The following SPATA13 variants were observed in gnomAD, a reference collection of about 807,000 sequenced individuals.
SPATA13 encodes spermatogenesis associated 13, also known as spermatogenesis-associated protein 13.
Under a neutral mutation model 104.0 loss-of-function variants are expected in SPATA13, and 50 were observed. The observed-to-expected ratio is 0.48, with a 90% CI of 0.38 to 0.61. SPATA13 has a LOEUF of 0.61. Among genes scored for constraint, SPATA13 ranks in the 20% least tolerant of loss-of-function variants. The pLI is 0.00. For missense variants in SPATA13, 1,524 were observed against 1,690.6 expected (o/e 0.90, Z 1.73); for synonymous variants, 606 against 667.5 (o/e 0.91, Z 1.42).
intron 2 of SPATA13, among the ~76,000 whole-genome samples, chr13:24,228,733 G>C (rs542754566): frequency 6.6e-6 from 1 of 152,108 alleles, no homozygotes; most frequent in African/African-American, 2.4e-5. Flanking sequence ...CTCATTAACA[G>C]TAAGGTTCTA....
Position 24,051,171 on chromosome 13 carries a change from A to G in SPATA13, c.-112+33470A>G, listed in dbSNP as rs992377562. On this transcript the variant is annotated intron_variant, in intron 3 of 14. Coordinates refer to the SPATA13 transcript ENST00000424834. This position sits in a 1 kb window ranked among gnomAD's most constrained non-coding sequence, Gnocchi z 4.2. ...GGGGCTAGCCTCCTGAAGTTTTTGG[A>G]GACCCTAGTTCTGCTCCCCAGTCTC... Among the ~76,000 whole-genome samples the G allele has an allele frequency of 2.0e-5, 3 of 152,154 alleles. No individual in the cohort carries two copies. Among genetic ancestry groups the G allele is most frequent in the Non-Finnish European group, 4.4e-5 (3 of 68,030 alleles).
intron 2 of SPATA13, among the ~76,000 whole-genome samples, chr13:24,247,416 A>G (rs925293590): frequency 6.6e-6 from 1 of 151,294 alleles, no homozygotes; most frequent in Non-Finnish European, 1.5e-5. Flanking sequence ...CCTGATTTGA[A>G]AAATGAGTGG....
chr13:24,033,096 C>G (rs771279175), intron 3 of SPATA13, among the ~76,000 whole-genome samples: 8 of 152,196 alleles, frequency 5.3e-5, no homozygotes, highest in Non-Finnish European at 1.2e-4. Flanking sequence ...GAGGCCTGCA[C>G]TAAGTCCTTT....
At chr13:24,056,706 A>G (rs1472526532) in intron 3 of SPATA13, among the ~76,000 whole-genome samples, 2 of 152,220 alleles carry the variant, frequency 1.3e-5, no homozygotes, top group East Asian at 3.8e-4. Context: ...CTGTGAATAC[A>G]TGATACATAG....
At chr13:24,044,142 G>A (rs9578671) in intron 3 of SPATA13, among the ~76,000 whole-genome samples, 71,387 of 151,924 alleles carry the variant, frequency 0.47, 17,561 homozygotes, top group African/African-American at 0.61. Flanking sequence ...AGCCTGGCCC[G>A]GGGCTGCTGT....
chr13:24,156,046 T>C (rs1182444983), upstream of SPATA13, among the ~76,000 whole-genome samples: 1 of 152,216 alleles, frequency 6.6e-6, no homozygotes, highest in Non-Finnish European at 1.5e-5. Context: ...GATATTCCAT[T>C]GTATGTATTT....
intron 3 of SPATA13, among the ~76,000 whole-genome samples, chr13:24,107,614 G>A (rs1482066184): frequency 6.6e-6 from 1 of 152,166 alleles, no homozygotes; most frequent in African/African-American, 2.4e-5. Context: ...ATATTTATAT[G>A]TCTGTGAATT....
intron 3 of SPATA13, among the ~76,000 whole-genome samples, chr13:24,020,730 T>A (rs919467358): frequency 2.0e-5 from 3 of 152,204 alleles, no homozygotes; most frequent in African/African-American, 4.8e-5. Context: ...AGGCACTTTA[T>A]GCTAAAAGTG....
intron 2 of SPATA13, among the ~76,000 whole-genome samples, chr13:24,234,077 G>A (rs1399006954): frequency 1.3e-5 from 2 of 152,144 alleles, no homozygotes; most frequent in Non-Finnish European, 2.9e-5. Context: ...GGGGGAGGTA[G>A]ATGGAATCAT....
intron 3 of SPATA13, among the ~76,000 whole-genome samples, chr13:24,023,842 C>T (rs1275405989): frequency 1.3e-5 from 2 of 152,178 alleles, no homozygotes; most frequent in African/African-American, 4.8e-5. Flanking sequence ...CCTGCGAGAC[C>T]CCTGTTGAAC....
chr13:24,296,677 G>T (rs184541499), intron 10 of SPATA13, among the ~76,000 whole-genome samples: 1 of 152,222 alleles, frequency 6.6e-6, no homozygotes, highest in Admixed American at 6.5e-5. Context: ...TGGAGGCTCC[G>T]TTTGGGTCAG....
intron 4 of SPATA13, among the ~76,000 whole-genome samples, chr13:24,262,589 C>T (rs1333209856): frequency 6.6e-6 from 1 of 152,140 alleles, no homozygotes; most frequent in African/African-American, 2.4e-5. Context: ...AGAGTGTAAT[C>T]CCAATCCTTG....
At chr13:24,158,840 C>T (rs1448552454), upstream of SPATA13, among the ~76,000 whole-genome samples, 1 of 152,184 alleles carries the variant, frequency 6.6e-6, no homozygotes, top group Non-Finnish European at 1.5e-5. Flanking sequence ...CCAGCACTCG[C>T]CCAGGGCTTG....
intron 2 of SPATA13, among the ~76,000 whole-genome samples, chr13:24,229,879 A>G (rs1872164413): frequency 6.6e-6 from 1 of 152,236 alleles, no homozygotes; most frequent in Non-Finnish European, 1.5e-5. Flanking sequence ...ATACACTTAA[A>G]ACATAGGAGA....
intron 2 of SPATA13, among the ~76,000 whole-genome samples, chr13:24,242,853 A>G (rs1872925223): frequency 6.6e-6 from 1 of 152,216 alleles, no homozygotes; most frequent in South Asian, 2.1e-4. Flanking sequence ...ACCCACTTAA[A>G]ATCCTAGGAC....
intron 2 of SPATA13, among the ~76,000 whole-genome samples, chr13:24,239,033 T>C (rs1872707531): frequency 6.6e-6 from 1 of 152,230 alleles, no homozygotes; most frequent in Non-Finnish European, 1.5e-5. Context: ...AGGGAGGCCC[T>C]GGACCTTTAG....
intron 3 of SPATA13, among the ~76,000 whole-genome samples, chr13:24,130,108 C>T (rs1881345457): frequency 6.6e-6 from 1 of 152,222 alleles, no homozygotes; most frequent in Non-Finnish European, 1.5e-5. Context: ...CTGATATCAT[C>T]CCTCTTTTGC....
chr13:24,038,135 G>A (rs889197358), intron 3 of SPATA13, among the ~76,000 whole-genome samples: 6 of 150,896 alleles, frequency 4.0e-5, no homozygotes, highest in Non-Finnish European at 8.9e-5. Flanking sequence ...GGATGGTCTC[G>A]ATCTCCTGAC....
intron 4 of SPATA13, among the ~76,000 whole-genome samples, chr13:24,272,419 C>T (rs927351780): frequency 1.3e-5 from 2 of 152,208 alleles, no homozygotes; most frequent in South Asian, 2.1e-4. Flanking sequence ...CTCCTATATG[C>T]GCTATACTGA....
Sources: gnomAD v4.1 joint callset for allele counts (sites outside exome capture counted in the v4.1 genomes callset) on GRCh38, gnomAD v4.1.1 for gene constraint, Gnocchi (gnomAD v3.1) non-coding constraint, MANE v1.5 for transcripts, NCBI Gene and HGNC (gene_info 2026-07-23, HGNC 2026-07-21) for gene names.